Variants in SEL1L2 observed in about 807,000 individuals in gnomAD.
SEL1L2 encodes the protein SEL1L2 adaptor subunit of SYVN1 ubiquitin ligase.
A neutral mutation model predicts 98.8 loss-of-function variants in SEL1L2; 89 were observed. The ratio of observed to expected loss-of-function variants is 0.90; its 90% CI spans 0.76 to 1.07. SEL1L2 has a LOEUF of 1.07. SEL1L2 is among the 50% of genes least tolerant of loss of function. The probability of loss-of-function intolerance (pLI) is 0.00; values close to 1 mark genes in which losing one functional copy is unlikely to be tolerated. For synonymous variants in SEL1L2, 262 were observed against 278.5 expected (o/e 0.94, Z 0.59); for missense variants, 788 against 812.0 (o/e 0.97, Z 0.36).
At chr20:13,881,660 T>C (rs2046707323) in intron 10 of SEL1L2, among the ~76,000 whole-genome samples, 1 of 152,198 alleles carries the variant, frequency 6.6e-6, no homozygotes, top group Admixed American at 6.5e-5. Flanking sequence ...AAACGTTTTC[T>C]GTGATGACAA....
chr20:13,891,028 G>A (rs1246527587), intron 5 of SEL1L2, among the ~76,000 whole-genome samples: 1 of 152,118 alleles, frequency 6.6e-6, no homozygotes, highest in Non-Finnish European at 1.5e-5. Context: ...ATACCATCAA[G>A]TGGAACAATA....
chr20:13,961,521 T>A (rs116731096), intron 1 of SEL1L2, among the ~76,000 whole-genome samples: 1 of 152,184 alleles, frequency 6.6e-6, no homozygotes, highest in African/African-American at 2.4e-5. Flanking sequence ...AGAAGACTTA[T>A]AAGGTTTTTA....
At chr20:13,932,979 G>A (rs1283698186) in intron 2 of SEL1L2, among the ~76,000 whole-genome samples, 10 of 151,968 alleles carry the variant, frequency 6.6e-5, no homozygotes, top group African/African-American at 1.7e-4. Context: ...AGGTGGAGGC[G>A]TCCGGATTGC....
chr20:13,900,272 A>G lies in SEL1L2; in HGVS notation c.550-11760T>C, dbSNP rs971155779. Among the ~76,000 whole-genome samples, 8 of 152,366 alleles carry G rather than the reference A, an allele frequency of 5.3e-5. No homozygotes were observed. The East Asian group carries it at 1.5e-3, about 29-fold the overall frequency. On this transcript the variant is annotated intron_variant, in intron 5 of 19. Transcript: ENST00000284951. Reference sequence around the variant, plus strand: ...CATCTAGATTTTAATGTATTCACATAAAGTTGAATATAGCACTGTCTCATA... The same window carrying G: ...CATCTAGATTTTAATGTATTCACATGAAGTTGAATATAGCACTGTCTCATA...
chr20:13,873,624 T>C (rs557174084), intron 12 of SEL1L2, among the ~76,000 whole-genome samples: 4 of 152,214 alleles, frequency 2.6e-5, no homozygotes, highest in Admixed American at 2.6e-4. Context: ...CCTCCCAAAG[T>C]GTTGGGATTA....
chr20:13,865,716 T>C (rs1990898764), intron 15 of SEL1L2, among the ~76,000 whole-genome samples: 1 of 152,228 alleles, frequency 6.6e-6, no homozygotes, highest in Non-Finnish European at 1.5e-5. Context: ...GGGTTTGTTT[T>C]GTTTTGTTTT....
intron 1 of SEL1L2, among the ~76,000 whole-genome samples, chr20:13,989,844 C>T (rs1398626620): frequency 6.6e-6 from 1 of 151,844 alleles, no homozygotes; most frequent in African/African-American, 2.4e-5. Context: ...GGGAATTGAA[C>T]CTGGGCTGTG....
chr20:13,927,278 A>C (rs1287752901), intron 3 of SEL1L2, among the ~76,000 whole-genome samples: 1 of 152,252 alleles, frequency 6.6e-6, no homozygotes, highest in Non-Finnish European at 1.5e-5. Flanking sequence ...TCTAGTTTAC[A>C]TCCTAGCTCT....
At chr20:13,851,254 C>T (rs1184572874) in intron 18 of SEL1L2, 1 of 152,076 alleles carries the variant, frequency 6.6e-6, no homozygotes, top group Non-Finnish European at 1.5e-5. Flanking sequence ...GTACAGTTCT[C>T]TAAAATAAGT....
intron 10 of SEL1L2, among the ~76,000 whole-genome samples, chr20:13,885,019 G>A (rs548097968): frequency 7.2e-5 from 11 of 152,194 alleles, no homozygotes; most frequent in African/African-American, 1.9e-4. Context: ...TGTGCAGGCC[G>A]GCAGGTGGGG....
chr20:13,978,929 C>T (rs989105971), intron 1 of SEL1L2, among the ~76,000 whole-genome samples: 1 of 152,046 alleles, frequency 6.6e-6, no homozygotes, highest in African/African-American at 2.4e-5. Flanking sequence ...CATGATCGTG[C>T]ACGCCTGTAA....
chr20:13,971,024 A>T (rs2066302935), intron 1 of SEL1L2, among the ~76,000 whole-genome samples: 2 of 151,676 alleles, frequency 1.3e-5, no homozygotes, highest in African/African-American at 2.4e-5. Flanking sequence ...TTTCATTTGC[A>T]TGATTACTGG....
At chr20:13,902,048 A>C (rs999612640) in intron 5 of SEL1L2, among the ~76,000 whole-genome samples, 3 of 152,178 alleles carry the variant, frequency 2.0e-5, no homozygotes, top group African/African-American at 7.2e-5. Context: ...CTGGGTTGTC[A>C]GCTCATTGCC....
intron 10 of SEL1L2, among the ~76,000 whole-genome samples, chr20:13,881,597 A>T (rs551230517): frequency 3.9e-5 from 6 of 152,338 alleles, no homozygotes; most frequent in Admixed American, 3.3e-4. Context: ...GTAATCAAGA[A>T]TTGCATATAC....
At chr20:13,884,796 C>T (rs947922988) in intron 10 of SEL1L2, among the ~76,000 whole-genome samples, 22 of 152,026 alleles carry the variant, frequency 1.4e-4, no homozygotes, top group African/African-American at 2.7e-4. Context: ...CATGAGCCAC[C>T]GTACCTGGCC....
intron 17 of SEL1L2, among the ~76,000 whole-genome samples, chr20:13,863,026 G>T (rs1990424212): frequency 6.6e-6 from 1 of 152,104 alleles, no homozygotes; most frequent in Non-Finnish European, 1.5e-5. Context: ...AAAGACATTA[G>T]TTATCAGGGC....
intron 1 of SEL1L2, among the ~76,000 whole-genome samples, chr20:13,985,018 T>C (rs1454011413): frequency 2.0e-5 from 3 of 152,168 alleles, no homozygotes; most frequent in Admixed American, 2.0e-4. Flanking sequence ...ATAGTCACCC[T>C]ATAGTGCTAT....
rs35310861 is a variant in SEL1L2, at chr20:13,880,600, TCATCCATCCATC to T, written c.958-3024_958-3013del. Among the ~76,000 whole-genome samples the T allele has an allele frequency of 1.2e-3, 185 of 149,734 alleles. 2 individuals carry two copies. The highest frequency in any genetic ancestry group is 2.3e-3 in the Non-Finnish European group (152 of 67,338). On this transcript the variant is annotated intron_variant, in intron 10 of 19. Transcript: ENST00000284951. ...CTCTTGAAGAGTTAAGATCAAGTAC[TCATCCATCCATC>T]CATCCATCCATCCATCCATCCATCC... is the stretch of plus-strand genomic sequence containing the variant.
At chr20:13,869,661 C>T (rs1456150620) in intron 13 of SEL1L2, 71 bp from the exon 14 acceptor site, 4 of 1,162,976 alleles carry the variant, frequency 3.4e-6, no homozygotes, top group Non-Finnish European at 5.2e-6. Flanking sequence ...CCTTCCACTT[C>T]TTAAAAAGAG....
Sources: allele counts gnomAD v4.1 joint callset (sites outside exome capture counted in the v4.1 genomes callset), GRCh38; gene constraint gnomAD v4.1.1; transcripts MANE v1.5; gene names NCBI Gene and HGNC (gene_info 2026-07-23, HGNC 2026-07-21).